The following TRHDE variants were observed in gnomAD, a reference collection of about 807,000 sequenced individuals.
The protein encoded by TRHDE is thyrotropin-releasing hormone-degrading ectoenzyme.
A neutral mutation model predicts 125.7 loss-of-function variants in TRHDE; 72 were observed. The ratio of observed to expected loss-of-function variants is 0.57; its 90% CI spans 0.47 to 0.70. The LOEUF (loss-of-function observed/expected upper bound fraction) is 0.70, where lower values mean the gene tolerates loss of function less well. TRHDE is among the 30% of genes least tolerant of loss of function. The pLI is 0.00. For missense variants in TRHDE, 1,110 were observed against 1,327.1 expected (o/e 0.84, Z 2.54); for synonymous variants, 509 against 509.1 (o/e 1.00, Z 0.00).
chr12:72,597,449 C>G (rs188586540), intron 12 of TRHDE, among the ~76,000 whole-genome samples: 1 of 151,732 alleles, frequency 6.6e-6, no homozygotes, highest in Non-Finnish European at 1.5e-5. Flanking sequence ...AGGCAGATCA[C>G]CTGAGGTCAG....
intron 10 of TRHDE, among the ~76,000 whole-genome samples, chr12:72,570,893 G>A (rs1459458989): frequency 6.6e-6 from 1 of 152,138 alleles, no homozygotes; most frequent in Non-Finnish European, 1.5e-5. Context: ...AATGAAAAAG[G>A]ACACATTCAT....
chr12:72,300,938 C>T (rs1868252823), intron 2 of TRHDE, among the ~76,000 whole-genome samples: 2 of 152,068 alleles, frequency 1.3e-5, no homozygotes, highest in Admixed American at 1.3e-4. Context: ...GCGGTTATTT[C>T]TGGAAGTTTT....
chr12:72,138,721 A>G (rs77318370), intron 2 of TRHDE, among the ~76,000 whole-genome samples: 4,303 of 152,344 alleles, frequency 0.028, 93 homozygotes, highest in Non-Finnish European at 0.045. Flanking sequence ...AGTCGTGACC[A>G]TATTCCTCAT....
At chr12:72,646,954 A>G (rs368719098) in intron 15 of TRHDE, among the ~76,000 whole-genome samples, 23 of 152,026 alleles carry the variant, frequency 1.5e-4, no homozygotes, top group African/African-American at 5.5e-4. Context: ...AGGGCTTACA[A>G]CACTATAAAC....
rs564581990 is a variant in TRHDE at position 72,117,699 on chromosome 12, T to C, written n.279+11947T>C. Among the ~76,000 whole-genome samples, 9 of 152,220 alleles carry C rather than the reference T, an allele frequency of 5.9e-5. No homozygotes were observed. In the East Asian group the frequency reaches 1.3e-3, roughly 23 times the overall value. ...GACATTTTAATAATATTTATTCTTG[T>C]AATCTGTGAACATGAACTATCATTT... On this transcript the variant is annotated intron_variant and non_coding_transcript_variant, in intron 2 of 4. Transcript: ENST00000548156.
At chr12:72,592,925 C>T (rs897840461) in intron 12 of TRHDE, among the ~76,000 whole-genome samples, 2 of 152,128 alleles carry the variant, frequency 1.3e-5, no homozygotes, top group Non-Finnish European at 2.9e-5. Flanking sequence ...GTTGGCCAGG[C>T]TGGTCTTGAA....
At chr12:72,486,537 C>T (rs531356606) in intron 5 of TRHDE, among the ~76,000 whole-genome samples, 1 of 152,250 alleles carries the variant, frequency 6.6e-6, no homozygotes, top group East Asian at 1.9e-4. Flanking sequence ...TGAGGTACCA[C>T]AATTATTGCT....
chr12:72,422,660 T>C (rs1874008946), intron 3 of TRHDE, among the ~76,000 whole-genome samples: 1 of 152,216 alleles, frequency 6.6e-6, no homozygotes, highest in Admixed American at 6.5e-5. Context: ...TGACTGTTTC[T>C]GTAACGTCTT....
chr12:72,257,265 T>C (rs753955982), intron 2 of TRHDE: 1 of 152,104 alleles, frequency 6.6e-6, no homozygotes, highest in African/African-American at 2.4e-5. Context: ...AGTGGAAAAT[T>C]CCACACCTGA....
rs1877060645 is a variant in TRHDE, at chr12:72,179,848, AAC to A, written n.279+74098_279+74099del. Among the ~76,000 whole-genome samples the A allele has an allele frequency of 3.3e-5, 5 of 152,140 alleles. No individual in the cohort carries two copies. In the South Asian group the frequency reaches 1.0e-3, roughly 31 times the overall value. On this transcript the variant is annotated intron_variant and non_coding_transcript_variant, in intron 2 of 4. Transcript: ENST00000548156. ...CAAACAAATCATAGCCTAATTTCCA[AAC>A]AGTTAATAAACTAAGAAATATGATT... is the stretch of plus-strand genomic sequence containing the variant.
intron 2 of TRHDE, among the ~76,000 whole-genome samples, chr12:72,170,704 T>G (rs988350732): frequency 6.6e-6 from 1 of 152,166 alleles, no homozygotes; most frequent in African/African-American, 2.4e-5. Flanking sequence ...TTTTAGATGC[T>G]GCTGGTTTGG....
chr12:72,454,627 G>A lies in TRHDE; in HGVS notation c.1316-15131G>A, dbSNP rs934553365. ...CGCCAATCTTCATGGATAGTCTTAA[G>A]CAAACTCAGGGGAAAGGACCCCATC... is the stretch of plus-strand genomic sequence containing the variant. On this transcript the variant is annotated intron_variant, in intron 3 of 18. Coordinates refer to ENST00000261180, the MANE Select transcript of TRHDE (RefSeq NM_013381.3). Among the ~76,000 whole-genome samples the A allele has an allele frequency of 3.9e-5, 6 of 152,262 alleles. No individual in the cohort carries two copies. The East Asian group carries it at 7.7e-4, about 20-fold the overall frequency.
At chr12:72,279,647 G>C (rs557360427) in intron 1 of TRHDE, among the ~76,000 whole-genome samples, 1 of 152,290 alleles carries the variant, frequency 6.6e-6, no homozygotes, top group South Asian at 2.1e-4. Flanking sequence ...AACAGGCACA[G>C]CTGTATGGTG....
At chr12:72,165,469 G>T (rs548234546) in intron 2 of TRHDE, among the ~76,000 whole-genome samples, 2 of 152,172 alleles carry the variant, frequency 1.3e-5, no homozygotes, top group East Asian at 3.9e-4. Flanking sequence ...TACTTGTCAG[G>T]GTGGGAGGCT....
chr12:72,156,558 A>G (rs2139325389), intron 2 of TRHDE, among the ~76,000 whole-genome samples: 1 of 152,198 alleles, frequency 6.6e-6, no homozygotes, highest in South Asian at 2.1e-4. Flanking sequence ...TCTTAAATAG[A>G]TTGAGTAATA....
rs1565772090 is a variant in TRHDE at position 72,512,465 on chromosome 12, T to TTATATA, written c.1722+12830_1722+12831insTATATA. 7.4e-3 allele frequency among the ~76,000 whole-genome samples: 1,040 copies of TTATATA among 140,172 alleles called. 18 individuals are homozygous for TTATATA. The highest frequency in any genetic ancestry group is 0.025 in the African/African-American group (974 of 38,230). 92.0% of individuals were successfully genotyped at this position (140,172 alleles called of 152,430 possible). ...TTATAATTATATAATTATAATATAT[T>TTATATA]ATATAGTTATAATTATATAATAATA... On this transcript the variant is annotated intron_variant, in intron 6 of 18. Coordinates refer to ENST00000261180, the MANE Select transcript of TRHDE (RefSeq NM_013381.3).
At chr12:72,184,277 A>T (rs1199578298) in intron 2 of TRHDE, among the ~76,000 whole-genome samples, 3 of 151,978 alleles carry the variant, frequency 2.0e-5, no homozygotes, top group African/African-American at 7.3e-5. Context: ...TACAGGCATA[A>T]CTTTTTCTTG....
intron 2 of TRHDE, among the ~76,000 whole-genome samples, chr12:72,168,096 T>C (rs940004622): frequency 2.0e-5 from 3 of 152,170 alleles, no homozygotes; most frequent in African/African-American, 7.2e-5. Flanking sequence ...TAACTGCCAG[T>C]CTATAACTGA....
chr12:72,491,994 G>T (rs1243294502), intron 5 of TRHDE, among the ~76,000 whole-genome samples: 1 of 151,854 alleles, frequency 6.6e-6, no homozygotes, highest in East Asian at 1.9e-4. Context: ...TCAGTAGAAT[G>T]CTTGTTTCAT....
Sources: allele counts gnomAD v4.1 joint callset (sites outside exome capture counted in the v4.1 genomes callset), GRCh38; gene constraint gnomAD v4.1.1; transcripts MANE v1.5; gene names NCBI Gene and HGNC (gene_info 2026-07-23, HGNC 2026-07-21).